Variants in CADPS2 observed in about 807,000 individuals in gnomAD.
The protein encoded by CADPS2 is calcium dependent secretion activator 2.
A neutral mutation model predicts 172.5 loss-of-function variants in CADPS2; 93 were observed. That is an observed-to-expected ratio of 0.54 (90% CI 0.46 to 0.64). The LOEUF is 0.64. Among genes scored for constraint, CADPS2 ranks in the 30% least tolerant of loss-of-function variants. The probability of loss-of-function intolerance (pLI) is 0.00; values close to 1 mark genes in which losing one functional copy is unlikely to be tolerated. For missense variants in CADPS2, 1,420 were observed against 1,565.9 expected, an observed-to-expected ratio of 0.91 and a Z score of 1.57; for synonymous variants, 546 against 555.2, an observed-to-expected ratio of 0.98 and a Z score of 0.23.
rs1417984612 is a variant in CADPS2 at position 122,809,902 on chromosome 7, T to C, written c.340-72834A>G. 2.0e-5 allele frequency among the ~76,000 whole-genome samples: 3 copies of C among 152,144 alleles called. No homozygotes were observed. The East Asian group carries it at 5.8e-4, about 29-fold the overall frequency. ...AACCTCTAAGCCAGAATTTCCAAAA[T>C]TTCAGTCATTCAAAGGTACTAATGG... On this transcript the variant is annotated intron_variant, in intron 1 of 29. Transcript: ENST00000449022.
intron 7 of CADPS2, among the ~76,000 whole-genome samples, chr7:122,561,994 GAA>G (rs1019757521): frequency 6.6e-6 from 1 of 152,120 alleles, no homozygotes; most frequent in African/African-American, 2.4e-5. Context: ...TCACTGTGGT[GAA>G]AAGAGAAAAA....
intron 14 of CADPS2, among the ~76,000 whole-genome samples, chr7:122,468,565 A>G (rs754754838): frequency 6.6e-6 from 1 of 152,214 alleles, no homozygotes; most frequent in Non-Finnish European, 1.5e-5. Context: ...AGAAAAATAT[A>G]TTAGAATAGT....
chr7:122,362,911 C>G (rs117467796), intron 25 of CADPS2, among the ~76,000 whole-genome samples: 2 of 152,062 alleles, frequency 1.3e-5, no homozygotes, highest in Non-Finnish European at 2.9e-5. Flanking sequence ...ACATCATTTG[C>G]GACATGATGT....
At chr7:122,488,916 A>G (rs1017893648) in intron 11 of CADPS2, among the ~76,000 whole-genome samples, 11 of 152,154 alleles carry the variant, frequency 7.2e-5, no homozygotes, top group Non-Finnish European at 1.3e-4. Flanking sequence ...GCCATACTCT[A>G]TGTGTATTAC....
At chr7:122,787,530 G>C (rs1794327825) in intron 1 of CADPS2, among the ~76,000 whole-genome samples, 1 of 152,124 alleles carries the variant, frequency 6.6e-6, no homozygotes, top group Non-Finnish European at 1.5e-5. Context: ...AGCCAACAGA[G>C]TTTATTTACC....
chr7:122,695,673 C>G (rs2084979163), intron 2 of CADPS2, among the ~76,000 whole-genome samples: 1 of 152,126 alleles, frequency 6.6e-6, no homozygotes, highest in South Asian at 2.1e-4. Context: ...TTCTAACCAC[C>G]CTTTAAAGAA....
chr7:122,657,001 G>A (rs1218318394), intron 3 of CADPS2, among the ~76,000 whole-genome samples: 1 of 152,074 alleles, frequency 6.6e-6, no homozygotes, highest in Non-Finnish European at 1.5e-5. Context: ...TGTAAGGAAG[G>A]GATCCAGTTT....
At chr7:122,528,206 T>C (rs2131249494) in intron 8 of CADPS2, among the ~76,000 whole-genome samples, 1 of 151,976 alleles carries the variant, frequency 6.6e-6, no homozygotes, top group African/African-American at 2.4e-5. Flanking sequence ...GAAGGACTCT[T>C]TGGGGTGTGA....
At chr7:122,567,398 C>T (rs1412692373) in intron 7 of CADPS2, among the ~76,000 whole-genome samples, 2 of 152,028 alleles carry the variant, frequency 1.3e-5, no homozygotes, top group African/African-American at 2.4e-5. Flanking sequence ...TTTTATTTGT[C>T]CTAAGGATTA....
intron 4 of CADPS2, among the ~76,000 whole-genome samples, 200 bp from the exon 5 acceptor site, chr7:122,621,917 G>A (rs1294140699): frequency 1.3e-5 from 2 of 152,008 alleles, no homozygotes; most frequent in East Asian, 1.9e-4. Flanking sequence ...ATATCTTATT[G>A]AGGATCACTG....
chr7:122,393,551 G>A lies in CADPS2; in HGVS notation c.2778C>T (p.His926=), dbSNP rs746349429. The change falls in exon 21 of 30, where the codon CAC becomes CAT. Residue 926 remains histidine (H), a synonymous_variant. Coordinates refer to ENST00000449022, the MANE Select transcript of CADPS2 (RefSeq NM_017954.11). ...CCAAGGGTACAAAGATTTCTTGCAA[G>A]TGTTTGTGAAATTTTCCATTACACA... is the stretch of plus-strand genomic sequence containing the variant. The part of the protein sequence containing the change: ...TLLCNGKFHK[H]LQEIFVPLVV... The A allele has an allele frequency of 1.9e-6, 3 of 1,613,830 alleles. No homozygotes were observed. The highest frequency in any genetic ancestry group is 1.7e-6 in the Non-Finnish European group (2 of 1,179,814).
intron 12 of CADPS2, among the ~76,000 whole-genome samples, chr7:122,479,144 T>C (rs1412008637): frequency 2.6e-5 from 4 of 152,118 alleles, no homozygotes; most frequent in African/African-American, 7.2e-5. Context: ...GACTCTAGTA[T>C]CAAAAGGACT....
chr7:122,454,987 A>C (rs2053585667), intron 14 of CADPS2, among the ~76,000 whole-genome samples: 1 of 152,146 alleles, frequency 6.6e-6, no homozygotes, highest in Admixed American at 6.5e-5. Context: ...AGCCTCTTCA[A>C]CCATCAGTCA....
chr7:122,615,424 C>A, intron 5 of CADPS2, 125 bp from the exon 6 acceptor site: 1 of 504,790 alleles, frequency 2.0e-6, no homozygotes, highest in African/African-American at 1.9e-5. Context: ...TTTTTGTTAA[C>A]ATCACTGGTA....
intron 27 of CADPS2, among the ~76,000 whole-genome samples, chr7:122,356,494 C>T (rs1232638755): frequency 6.6e-6 from 1 of 152,120 alleles, no homozygotes; most frequent in Non-Finnish European, 1.5e-5. Context: ...TTATTCTCCC[C>T]ATCTTCCTTT....
At chr7:122,412,404 A>G (rs2047417194) in intron 19 of CADPS2, among the ~76,000 whole-genome samples, 1 of 152,246 alleles carries the variant, frequency 6.6e-6, no homozygotes, top group African/African-American at 2.4e-5. Flanking sequence ...TAAATTAAAA[A>G]AATCAAATAC....
At chr7:122,467,058 G>C (rs2055239707) in intron 14 of CADPS2, among the ~76,000 whole-genome samples, 1 of 152,028 alleles carries the variant, frequency 6.6e-6, no homozygotes. Flanking sequence ...TACAGTTTTT[G>C]ATAAAATAAA....
intron 28 of CADPS2, among the ~76,000 whole-genome samples, chr7:122,327,518 CA>C (rs1321478696): frequency 6.6e-6 from 1 of 152,076 alleles, no homozygotes; most frequent in Non-Finnish European, 1.5e-5. Context: ...TTAGACTGCA[CA>C]GTTACTGTAA....
At chr7:122,561,851 TCA>T (rs1335231506) in intron 7 of CADPS2, among the ~76,000 whole-genome samples, 1 of 152,162 alleles carries the variant, frequency 6.6e-6, no homozygotes, top group Non-Finnish European at 1.5e-5. Context: ...ACAGTTTCCT[TCA>T]CAGTCTATTG....
Sources: allele counts gnomAD v4.1 joint callset (sites outside exome capture counted in the v4.1 genomes callset), GRCh38; gene constraint gnomAD v4.1.1; transcripts MANE v1.5; gene names NCBI Gene and HGNC (gene_info 2026-07-23, HGNC 2026-07-21).